MED19: variants seen among roughly 807,000 people sequenced by gnomAD.
The protein encoded by MED19 is mediator of RNA polymerase II transcription subunit 19.
A neutral mutation model predicts 19.9 loss-of-function variants in MED19; 4 were observed. The observed-to-expected ratio is 0.20, with a 90% CI of 0.10 to 0.46. MED19 has a LOEUF of 0.46. Among genes scored for constraint, MED19 ranks in the 20% least tolerant of loss-of-function variants. MED19 has a pLI of 0.99. For synonymous variants in MED19, 139 were observed against 119.6 expected (o/e 1.16, Z -1.06); for missense variants, 303 against 318.7 (o/e 0.95, Z 0.38).
In MED19 at chr11:57,704,850, G is replaced by A. The variant is rs779235166; in HGVS notation, c.475-35C>T. ...CCAAAGGAAGGTCCAGGTGAGTAGAGGGAGGAAATCTCTCCTGCTCTTATC... is the reference window on the plus strand; with the variant it reads ...CCAAAGGAAGGTCCAGGTGAGTAGAAGGAGGAAATCTCTCCTGCTCTTATC... On this transcript the variant is annotated intron_variant, in intron 2 of 4. Coordinates refer to ENST00000431606, the Ensembl canonical transcript of MED19. 3 of 1,611,090 alleles carry A rather than the reference G, an allele frequency of 1.9e-6. No individual in the cohort carries two copies. The East Asian group carries it at 6.7e-5, about 36-fold the overall frequency.
chr11:57,708,526 A>C (rs1946532107), intron 1 of MED19, among the ~76,000 whole-genome samples: 1 of 152,146 alleles, frequency 6.6e-6, no homozygotes, highest in Non-Finnish European at 1.5e-5. Context: ...TCTTATTCTC[A>C]CTGTCATTCT....
intron 1 of MED19, among the ~76,000 whole-genome samples, chr11:57,706,469 T>C (rs1251810383): frequency 1.3e-5 from 2 of 152,144 alleles, no homozygotes; most frequent in Admixed American, 6.5e-5. Context: ...AAATGTTTGA[T>C]TAGAAGTCAG....
intron 3 of MED19, 139 bp downstream of exon 3, chr11:57,704,580 C>T (rs671957): frequency 6.3e-7 from 1 of 1,597,728 alleles, no homozygotes; most frequent in Non-Finnish European, 8.5e-7. Flanking sequence ...ACATTGGTTT[C>T]TTCTTCAGGG....
chr11:57,711,453 A>C (rs1946600724), intron 1 of MED19, among the ~76,000 whole-genome samples: 1 of 152,100 alleles, frequency 6.6e-6, no homozygotes, highest in Non-Finnish European at 1.5e-5. Context: ...CCCGGGGTTC[A>C]AACGATTCTC....
intron 1 of MED19, among the ~76,000 whole-genome samples, chr11:57,706,179 T>C (rs757390724): frequency 5.3e-5 from 8 of 152,104 alleles, no homozygotes; most frequent in Non-Finnish European, 1.0e-4. Flanking sequence ...GGAGTTTTGC[T>C]CTGTCGCCTA....
intron 1 of MED19, among the ~76,000 whole-genome samples, chr11:57,707,434 A>T (rs1265053653): frequency 1.3e-5 from 2 of 152,178 alleles, no homozygotes; most frequent in Non-Finnish European, 2.9e-5. Context: ...ACTGAACTGT[A>T]AGCTCCTTGG....
chr11:57,706,381 T>C (rs1445095149), intron 1 of MED19, among the ~76,000 whole-genome samples: 1 of 152,062 alleles, frequency 6.6e-6, no homozygotes, highest in Non-Finnish European at 1.5e-5. Flanking sequence ...TGACCTCAAG[T>C]GATCCGCCAC....
In MED19 at chr11:57,705,041, T is replaced by C. The variant is rs1342858464; in HGVS notation, c.406A>G (p.Ile136Val). 6.2e-6 allele frequency: 10 copies of C among 1,614,120 alleles called. No homozygotes were observed. The South Asian group carries it at 8.8e-5, about 14-fold the overall frequency. The change falls in exon 2 of 5, where the codon ATT becomes GTT. Residue 136 changes from isoleucine to valine, a missense_variant. Ile to Val is a conservative substitution (Grantham distance 29). This residue lies in a region of MED19 where 274 missense variants were observed against 259.2 expected (regional missense o/e 1.06). Coordinates refer to ENST00000431606, the Ensembl canonical transcript of MED19. ...ATAGGATTGAAAGAGCTACTGAGAATAGGGGGCTTCTCAATGAGAGAGCGG... is the reference window on the plus strand; with the variant it reads ...ATAGGATTGAAAGAGCTACTGAGAACAGGGGGCTTCTCAATGAGAGAGCGG...
In MED19 at chr11:57,711,957, A is replaced by G; in HGVS notation, c.217+6T>C. On this transcript the variant is annotated splice_donor_region_variant and intron_variant, in intron 1 of 4. Transcript: ENST00000431606. ...TTGGCTGGCTTTGGCAAGGCCGAGT[A>G]CTCACCTGGCAGTTCCCTCATGAGG... is the stretch of plus-strand genomic sequence containing the variant. The G allele has an allele frequency of 6.2e-6, 9 of 1,440,530 alleles. No individual in the cohort carries two copies. Among genetic ancestry groups the G allele is most frequent in the Non-Finnish European group, 8.3e-6 (9 of 1,090,028 alleles). The allele number at this position is 1,440,530 out of a possible 1,614,324, so 89.2% of individuals were successfully genotyped here. A position where few individuals can be genotyped will look rare whatever the true frequency, so the allele number is the denominator to read the frequency against.
chr11:57,711,762 TTGGTTGAATTCAACTCATCC>T (rs1333669578), intron 1 of MED19, among the ~76,000 whole-genome samples, 181 bp downstream of exon 1: 3 of 152,020 alleles, frequency 2.0e-5, no homozygotes, highest in African/African-American at 7.2e-5. Context: ...ATTCATCCCT[TTGGTTGAATTCAACTCATCC>T]TGGTTGAATT....
chr11:57,704,745 C>T, exon 3 of MED19: 1 of 1,531,296 alleles, frequency 6.5e-7, no homozygotes, highest in Non-Finnish European at 8.8e-7. Flanking sequence ...CTGGGTACGG[C>T]TCTGTTTGTG....
rs750917559 is a variant in MED19, at chr11:57,705,238, C to T, written c.218-9G>A. Reference sequence around the variant, plus strand: ...TGTCAGCTCTGTGCTACCTAGACAACGCAGAATAAAAATAAAAAAGATCAG... The same window carrying T: ...TGTCAGCTCTGTGCTACCTAGACAATGCAGAATAAAAATAAAAAAGATCAG... On this transcript the variant is annotated splice_polypyrimidine_tract_variant and intron_variant, in intron 1 of 4. Coordinates refer to ENST00000431606, the Ensembl canonical transcript of MED19. 116 of 1,610,072 alleles carry T rather than the reference C, an allele frequency of 7.2e-5. No individual in the cohort carries two copies. The highest frequency in any genetic ancestry group is 1.6e-4 in the Middle Eastern group (1 of 6,064).
chr11:57,705,290 G>A (rs531015153), intron 1 of MED19, 61 bp from the exon 2 acceptor site: 1 of 1,548,180 alleles, frequency 6.5e-7, no homozygotes, highest in Admixed American at 1.9e-5. Context: ...AGGGAGTGAA[G>A]GACTATATAT....
rs776782929 is a variant in MED19, at chr11:57,704,113, G to A, written c.667-7C>T. ...GGTCTGGACTATGTCGATTCTGGGG[G>A]AGAAAGAAGCAGGGTAAGAACAACT... On this transcript the variant is annotated splice_polypyrimidine_tract_variant and splice_region_variant and intron_variant, in intron 4 of 4. Coordinates refer to ENST00000431606, the Ensembl canonical transcript of MED19. The A allele has an allele frequency of 1.6e-4, 246 of 1,536,174 alleles. No homozygotes were observed. In the African/African-American group the frequency reaches 3.2e-3, roughly 20 times the overall value.
chr11:57,708,427 A>G (rs1946531467), intron 1 of MED19, among the ~76,000 whole-genome samples: 1 of 152,126 alleles, frequency 6.6e-6, no homozygotes, highest in African/African-American at 2.4e-5. Flanking sequence ...CGCCTCAAAA[A>G]AACACCCCTC....
chr11:57,704,192 T>C, intron 4 of MED19, 86 bp from the exon 5 acceptor site: 2 of 1,527,810 alleles, frequency 1.3e-6, no homozygotes, highest in Non-Finnish European at 1.7e-6. Context: ...GCAACCTGCC[T>C]TGGGTTTTCA....
chr11:57,704,928 A>G, intron 2 of MED19, 45 bp downstream of exon 2: 1 of 1,604,774 alleles, frequency 6.2e-7, no homozygotes, highest in Non-Finnish European at 8.5e-7. Context: ...AACCATCTCC[A>G]TGTTTAGGCC....
chr11:57,705,033 A>C, exon 2 of MED19: 1 of 1,614,176 alleles, frequency 6.2e-7, no homozygotes, highest in South Asian at 1.1e-5. Context: ...TGAAAGAGCT[A>C]CTGAGAATAG....
chr11:57,705,174 T>C (rs773163240), exon 2 of MED19: 4 of 1,614,162 alleles, frequency 2.5e-6, no homozygotes, highest in South Asian at 2.2e-5. Flanking sequence ...TATTATAGGC[T>C]TGTTCCAAGT....
Sources: gnomAD v4.1 joint callset for allele counts (sites outside exome capture counted in the v4.1 genomes callset) on GRCh38, gnomAD v4.1.1 for gene constraint, gnomAD v4.1.1 regional missense constraint, MANE v1.5 for transcripts, NCBI Gene and HGNC (gene_info 2026-07-23, HGNC 2026-07-21) for gene names.